Variants in ARHGAP24 observed in about 807,000 individuals in gnomAD.
ARHGAP24 encodes rho GTPase-activating protein 24.
A neutral mutation model predicts 76.4 loss-of-function variants in ARHGAP24; 50 were observed. The ratio of observed to expected loss-of-function variants is 0.65; its 90% CI spans 0.52 to 0.83. The LOEUF is 0.83. Among genes scored for constraint, ARHGAP24 ranks in the 40% least tolerant of loss-of-function variants. The pLI is 0.00. For synonymous variants in ARHGAP24, 345 were observed against 323.3 expected (o/e 1.07, Z -0.72); for missense variants, 930 against 914.2 (o/e 1.02, Z -0.22).
intron 1 of ARHGAP24, among the ~76,000 whole-genome samples, chr4:85,487,864 T>TTATATAAATATATATATATAAATATATA (rs1199354068): frequency 3.2e-5 from 4 of 123,934 alleles, no homozygotes; most frequent in Non-Finnish European, 6.4e-5. Context: ...ATTATATATA[T>TTATATAAATATATATATATAAATATATA]TATATAAATA....
intron 1 of ARHGAP24, among the ~76,000 whole-genome samples, chr4:85,539,185 A>G (rs1725584635): frequency 6.6e-6 from 1 of 152,192 alleles, no homozygotes; most frequent in African/African-American, 2.4e-5. Flanking sequence ...ACACAAAGCT[A>G]CAAGATGGTA....
chr4:85,836,390 TG>T (rs1412457312), intron 3 of ARHGAP24, among the ~76,000 whole-genome samples: 1 of 152,222 alleles, frequency 6.6e-6, no homozygotes, highest in Non-Finnish European at 1.5e-5. Context: ...AGGTTGATGC[TG>T]CCTCTGAAGA....
At chr4:85,534,763 G>A (rs1340704558) in intron 1 of ARHGAP24, among the ~76,000 whole-genome samples, 1 of 151,928 alleles carries the variant, frequency 6.6e-6, no homozygotes, top group Non-Finnish European at 1.5e-5. Context: ...TCGTCACCAG[G>A]ATCATTCCTT....
At chr4:85,992,505 A>T (rs1207946013) in intron 8 of ARHGAP24, among the ~76,000 whole-genome samples, 2 of 152,154 alleles carry the variant, frequency 1.3e-5, no homozygotes, top group Non-Finnish European at 1.5e-5. Context: ...TATGACGGGA[A>T]GCAGTGATAC....
Position 85,657,319 on chromosome 4 carries a change from G to A in ARHGAP24, c.181-64566G>A, listed in dbSNP as rs556130353. On this transcript the variant is annotated intron_variant, in intron 2 of 9. Coordinates refer to ENST00000395184, the MANE Select transcript of ARHGAP24 (RefSeq NM_001025616.3). ...CTGAAACCTTTGGATGAAAGTTAAT[G>A]TATTCTGAATGGTCTACTTTGTTCT... Among the ~76,000 whole-genome samples the A allele has an allele frequency of 2.6e-5, 4 of 152,168 alleles. No homozygotes were observed. In the East Asian group the frequency reaches 5.8e-4, roughly 22 times the overall value.
intron 2 of ARHGAP24, among the ~76,000 whole-genome samples, chr4:85,683,126 G>GT (rs1215999854): frequency 2.2e-4 from 19 of 87,534 alleles, no homozygotes; most frequent in Admixed American, 1.2e-4. Context: ...GTGGGGGGGG[G>GT]GTGCGGGGGC....
intron 1 of ARHGAP24, among the ~76,000 whole-genome samples, chr4:85,551,214 G>A (rs140154496): frequency 6.6e-6 from 1 of 152,260 alleles, no homozygotes; most frequent in African/African-American, 2.4e-5. Context: ...TCAATGCCTA[G>A]TTTGTTGAGG....
intron 1 of ARHGAP24, 66 bp from the exon 2 acceptor site, chr4:85,570,456 G>A: frequency 8.5e-7 from 1 of 1,172,852 alleles, no homozygotes; most frequent in South Asian, 1.3e-5. Flanking sequence ...GAGAAGAGTG[G>A]TTTAAAAGGG....
intron 1 of ARHGAP24, among the ~76,000 whole-genome samples, chr4:85,506,247 C>T (rs900344908): frequency 6.6e-6 from 1 of 152,178 alleles, no homozygotes; most frequent in Non-Finnish European, 1.5e-5. Flanking sequence ...AGCTCAAACG[C>T]CATGCTGGGA....
At chr4:85,930,090 G>A (rs569176410) in intron 4 of ARHGAP24, among the ~76,000 whole-genome samples, 13 of 152,308 alleles carry the variant, frequency 8.5e-5, no homozygotes, top group South Asian at 4.1e-4. Flanking sequence ...GGAAGCAGCC[G>A]CAGCCACAGC....
rs138269826 is a variant in ARHGAP24, at chr4:85,811,311, G to T, written c.268+89339G>T. 9.9e-3 allele frequency among the ~76,000 whole-genome samples: 1,513 copies of T among 152,254 alleles called. 29 individuals are homozygous for T. The highest frequency in any genetic ancestry group is 0.034 in the African/African-American group (1,414 of 41,540). On this transcript the variant is annotated intron_variant, in intron 3 of 9. Transcript: ENST00000395184. ...AGATTAAAATGATGCAAATTTTAAA[G>T]CTTCCCTTCTCTTTAGTAAATGTTT...
At position 85,995,150 on chromosome 4, in the gene ARHGAP24, G is replaced by A. The variant is rs115120658; in HGVS notation, c.1496G>A (p.Arg499Gln). The change falls in exon 9 of 10, where the codon CGA (arginine) becomes CAA (glutamine). Residue 499 changes from arginine to glutamine, a missense_variant. Transcript: ENST00000395184. The stretch of plus-strand genomic sequence containing the variant: ...ACACTCGGGAACCCCACAAATGTTC[G>A]AAACATGAGCTGGCTGCCAAATGGC... ...SDTLGNPTNVRNMSWLPNGYV... is the reference protein window; with the variant it reads ...SDTLGNPTNVQNMSWLPNGYV... The A allele has an allele frequency of 8.8e-5, 142 of 1,613,996 alleles. No individual in the cohort carries two copies. In the Middle Eastern group the frequency reaches 1.3e-3, roughly 15 times the overall value.
intron 3 of ARHGAP24, among the ~76,000 whole-genome samples, chr4:85,889,883 A>T (rs1428995434): frequency 1.3e-5 from 2 of 152,184 alleles, no homozygotes; most frequent in Admixed American, 1.3e-4. Flanking sequence ...GTCCTGGAAG[A>T]ATCTTTTATT....
At chr4:85,855,643 T>C (rs575002044) in intron 3 of ARHGAP24, among the ~76,000 whole-genome samples, 1 of 152,058 alleles carries the variant, frequency 6.6e-6, no homozygotes, top group East Asian at 1.9e-4. Flanking sequence ...ATACAAAAAT[T>C]AGCTGGGTGT....
Position 85,700,757 on chromosome 4 carries a change from TTTATTA to T in ARHGAP24, c.181-21126_181-21121del, listed in dbSNP as rs557480316. 4.4e-3 allele frequency among the ~76,000 whole-genome samples: 677 copies of T among 152,314 alleles called. 4 individuals are homozygous for T. Among genetic ancestry groups the T allele is most frequent in the Non-Finnish European group, 6.8e-3 (464 of 68,038 alleles). On this transcript the variant is annotated intron_variant, in intron 2 of 9. Transcript: ENST00000395184. The stretch of plus-strand genomic sequence containing the variant: ...ATACTGACTCCACTAAAAAGACTCT[TTTATTA>T]TGAAGAGTTTGATGTAAAGTAGACA...
At chr4:85,867,769 A>T (rs1732275647) in intron 3 of ARHGAP24, among the ~76,000 whole-genome samples, 1 of 150,578 alleles carries the variant, frequency 6.6e-6, no homozygotes, top group African/African-American at 2.4e-5. Context: ...CCTTTAAAGG[A>T]CTTTTAGATC....
At chr4:85,733,550 T>G (rs557062386) in intron 3 of ARHGAP24, among the ~76,000 whole-genome samples, 2 of 152,314 alleles carry the variant, frequency 1.3e-5, no homozygotes, top group South Asian at 4.1e-4. Flanking sequence ...TTTAGTGTAT[T>G]TTTTGGCTTT....
intron 3 of ARHGAP24, among the ~76,000 whole-genome samples, chr4:85,872,946 A>T (rs1732627277): frequency 6.6e-6 from 1 of 152,120 alleles, no homozygotes; most frequent in Admixed American, 6.5e-5. Context: ...TTGAACTATA[A>T]AGAAAAGAAT....
At chr4:85,612,792 C>CTTTTT (rs70948739) in intron 2 of ARHGAP24, among the ~76,000 whole-genome samples, 3,005 of 82,772 alleles carry the variant, frequency 0.036, 229 homozygotes, top group South Asian at 0.046. Flanking sequence ...CTTTCCATTC[C>CTTTTT]TTTTTTTTTT....
Sources: allele counts gnomAD v4.1 joint callset (sites outside exome capture counted in the v4.1 genomes callset), GRCh38; gene constraint gnomAD v4.1.1; transcripts MANE v1.5; gene names NCBI Gene and HGNC (gene_info 2026-07-23, HGNC 2026-07-21).